Variants in ZC3H7A observed in about 807,000 individuals in gnomAD.
The protein encoded by ZC3H7A is zinc finger CCCH domain-containing protein 7A.
A neutral mutation model predicts 125.5 loss-of-function variants in ZC3H7A; 44 were observed. The ratio of observed to expected loss-of-function variants is 0.35; its 90% confidence interval spans 0.28 to 0.45. The LOEUF (loss-of-function observed/expected upper bound fraction) is 0.45. ZC3H7A is among the 20% of genes least tolerant of loss of function. The pLI is 1.00. For missense variants in ZC3H7A, 977 were observed against 1,170.7 expected (o/e 0.83, Z 2.41); for synonymous variants, 399 against 391.2 (o/e 1.02, Z -0.23).
chr16:11,783,146 G>A (rs189752709), intron 1 of ZC3H7A: 3 of 152,200 alleles, frequency 2.0e-5, no homozygotes, highest in Admixed American at 1.3e-4. Flanking sequence ...TTGCCTCCGA[G>A]GGAGTCTGAC....
intron 1 of ZC3H7A, among the ~76,000 whole-genome samples, chr16:11,787,444 C>T (rs561839633): frequency 1.3e-5 from 2 of 152,178 alleles, no homozygotes; most frequent in East Asian, 3.9e-4. Context: ...CAACACACAC[C>T]CCTTTGTGTG....
intron 1 of ZC3H7A, among the ~76,000 whole-genome samples, chr16:11,795,053 T>C (rs928972493): frequency 8.5e-5 from 13 of 152,224 alleles, no homozygotes; most frequent in Non-Finnish European, 1.6e-4. Context: ...TTGATAATAT[T>C]GAGCCTCAAC....
At chr16:11,780,127 C>CTT (rs71406291) in intron 3 of ZC3H7A, among the ~76,000 whole-genome samples, 47 of 141,504 alleles carry the variant, frequency 3.3e-4, no homozygotes, top group East Asian at 2.0e-3. Context: ...TTTTTCTTTT[C>CTT]TTTTTTTTTT....
intron 20 of ZC3H7A, among the ~76,000 whole-genome samples, chr16:11,757,672 G>T (rs901432134): frequency 6.6e-6 from 1 of 152,014 alleles, no homozygotes. Context: ...GTGGTGGCAG[G>T]AGTCATTGCA....
intron 1 of ZC3H7A, among the ~76,000 whole-genome samples, chr16:11,795,898 G>A (rs1567400413): frequency 6.6e-6 from 1 of 152,118 alleles, no homozygotes; most frequent in African/African-American, 2.4e-5. Flanking sequence ...AATCTCCTGG[G>A]CTCAAGGGAT....
At chr16:11,768,129 G>C (rs2052893881) in intron 12 of ZC3H7A, among the ~76,000 whole-genome samples, 186 bp downstream of exon 12, 1 of 152,140 alleles carries the variant, frequency 6.6e-6, no homozygotes. Flanking sequence ...AATAAGAGCA[G>C]AGCCTTATCC....
intron 17 of ZC3H7A, among the ~76,000 whole-genome samples, chr16:11,762,352 A>G (rs1295884909): frequency 6.6e-6 from 1 of 152,180 alleles, no homozygotes; most frequent in East Asian, 1.9e-4. Flanking sequence ...GAGACATGCC[A>G]GGTGGAAAGC....
intron 1 of ZC3H7A, chr16:11,796,443 C>G (rs985868547): frequency 2.0e-5 from 3 of 152,574 alleles, no homozygotes; most frequent in African/African-American, 7.2e-5. Context: ...GGAAAATACC[C>G]AACTCCTGGC....
chr16:11,769,246 G>A (rs535966205), intron 10 of ZC3H7A, 151 bp from the exon 11 acceptor site: 2 of 518,536 alleles, frequency 3.9e-6, no homozygotes, highest in African/African-American at 2.0e-5. Context: ...CACCCAAAGA[G>A]GGCTCTAGAG....
At position 11,750,854 on chromosome 16, in the gene ZC3H7A, G is replaced by T. The variant is rs2052543132; in HGVS notation, c.*463C>A. 1 of 152,758 alleles carries T rather than the reference G, an allele frequency of 6.5e-6. No individual in the cohort carries two copies. Among genetic ancestry groups the T allele is most frequent in the Non-Finnish European group, 1.5e-5 (1 of 68,190 alleles). The allele number at this position is 152,758 out of a possible 1,614,324, so 9.5% of individuals were successfully genotyped here. A position where few individuals can be genotyped will look rare whatever the true frequency, so the allele number is the denominator to read the frequency against. On this transcript the variant is annotated 3_prime_UTR_variant, in exon 23 of 23. Transcript: ENST00000355758. ...TTATTTGGCTTAAAATCTGAGTTAA[G>T]AAAATCCTTTTTAGCAACCTACATA...
chr16:11,790,425 G>C (rs1480957084), intron 1 of ZC3H7A, among the ~76,000 whole-genome samples: 1 of 152,172 alleles, frequency 6.6e-6, no homozygotes, highest in African/African-American at 2.4e-5. Flanking sequence ...ATTTATGGAA[G>C]CTCTTTATAT....
rs767699843 is a variant in ZC3H7A, at chr16:11,781,418, T to G, written c.108+7A>C. 1.2e-6 allele frequency: 2 copies of G among 1,601,006 alleles called. No homozygotes were observed. Among genetic ancestry groups the G allele is most frequent in the Non-Finnish European group, 1.7e-6 (2 of 1,171,212 alleles). Reference sequence around the variant, plus strand: ...AGCTTTCAAGCAGACCTTCCCGGAGTCATTACCGCATATTGCTCCTGTGTT... The same window carrying G: ...AGCTTTCAAGCAGACCTTCCCGGAGGCATTACCGCATATTGCTCCTGTGTT... On this transcript the variant is annotated splice_region_variant and intron_variant, in intron 3 of 22. Transcript: ENST00000355758.
At chr16:11,760,137 A>AAAAAAAAAAAAAAAAAG (rs1555493879) in intron 19 of ZC3H7A, among the ~76,000 whole-genome samples, 15 of 137,638 alleles carry the variant, frequency 1.1e-4, no homozygotes, top group Non-Finnish European at 1.9e-4. Flanking sequence ...AAAAAAAAAA[A>AAAAAAAAAAAAAAAAAG]AAAAAAAAGA....
intron 1 of ZC3H7A, among the ~76,000 whole-genome samples, chr16:11,790,571 C>T (rs992623993): frequency 4.6e-5 from 7 of 152,110 alleles, no homozygotes; most frequent in African/African-American, 1.4e-4. Context: ...CGGAGTTTCA[C>T]TCTTATTGCC....
chr16:11,760,404 A>G (rs1364068606), intron 19 of ZC3H7A, among the ~76,000 whole-genome samples: 1 of 152,168 alleles, frequency 6.6e-6, no homozygotes, highest in African/African-American at 2.4e-5. Flanking sequence ...TACATAACCC[A>G]TTAATAAAAT....
At chr16:11,787,717 G>A (rs957786547) in intron 1 of ZC3H7A, among the ~76,000 whole-genome samples, 35 of 152,136 alleles carry the variant, frequency 2.3e-4, no homozygotes, top group African/African-American at 7.7e-4. Flanking sequence ...AGGCCGAGGC[G>A]GGCAGATCAC....
In ZC3H7A at chr16:11,762,686, A is replaced by G. The variant is rs147765341; in HGVS notation, c.2064T>C (p.Asn688=). The G allele has an allele frequency of 2.5e-4, 399 of 1,614,066 alleles. 1 individual carries two copies. In the African/African-American group the frequency reaches 4.3e-3, roughly 17 times the overall value. ...AGAAAAATACCTGCGCTCCAGGTAC[A>G]TTTGCTTCCAAATTCTGCCAATATC... ...SKRYWQNLEA[N]VPGAQVLGNQ... The change falls in exon 17 of 23, where the codon AAT becomes AAC. Residue 688 remains asparagine (N), a synonymous_variant. Coordinates refer to ENST00000355758, the MANE Select transcript of ZC3H7A (RefSeq NM_014153.4).
At chr16:11,783,988 G>GAGCT (rs1555497197) in intron 1 of ZC3H7A, among the ~76,000 whole-genome samples, 2 of 130,936 alleles carry the variant, frequency 1.5e-5, no homozygotes, top group African/African-American at 2.7e-5. Flanking sequence ...AAAAAGGGGG[G>GAGCT]GGCTGTGAGG....
At chr16:11,792,587 T>G (rs1011747535) in intron 1 of ZC3H7A, among the ~76,000 whole-genome samples, 4 of 152,280 alleles carry the variant, frequency 2.6e-5, no homozygotes, top group Admixed American at 1.3e-4. Context: ...TAGCTCTTAC[T>G]GGACTCCAGG....
Sources: gnomAD v4.1 joint callset for allele counts (sites outside exome capture counted in the v4.1 genomes callset) on GRCh38, gnomAD v4.1.1 for gene constraint, MANE v1.5 for transcripts, NCBI Gene and HGNC (gene_info 2026-07-23, HGNC 2026-07-21) for gene names.